Variants in SYNPR observed in about 807,000 individuals in gnomAD.
The protein encoded by SYNPR is synaptoporin.
Under a neutral mutation model 32.9 loss-of-function variants are expected in SYNPR, and 23 were observed. That is an observed-to-expected ratio of 0.70 (90% confidence interval 0.50 to 0.99). SYNPR has a LOEUF of 0.99. Among genes scored for constraint, SYNPR ranks in the 50% least tolerant of loss-of-function variants. The probability of loss-of-function intolerance (pLI) is 0.00; values close to 1 mark genes in which losing one functional copy is unlikely to be tolerated. For missense variants in SYNPR, 318 were observed against 349.3 expected (o/e 0.91, Z 0.71); for synonymous variants, 146 against 135.9 (o/e 1.07, Z -0.52).
chr3:63,363,534 C>A (rs1160689493), intron 2 of SYNPR, among the ~76,000 whole-genome samples: 6 of 152,172 alleles, frequency 3.9e-5, no homozygotes, highest in Admixed American at 2.0e-4. Context: ...CATGATCTGG[C>A]AGCTGAAACA....
rs563296890 is a variant in SYNPR, at chr3:63,595,990, GTT to G, written c.409-13132_409-13131del. 4.5e-3 allele frequency among the ~76,000 whole-genome samples: 441 copies of G among 97,702 alleles called. 7 individuals carry two copies. Among genetic ancestry groups the G allele is most frequent in the African/African-American group, 0.014 (424 of 30,864 alleles). The allele number at this position is 97,702 out of a possible 152,430, so 64.1% of individuals were successfully genotyped here. A position where few individuals can be genotyped will look rare whatever the true frequency, so the allele number is the denominator to read the frequency against. On this transcript the variant is annotated intron_variant, in intron 4 of 5. Transcript: ENST00000478300. ...TTATATATAGTTTTATATATATATAGTTTTATATATATATATAATTATACTTT... is the reference window on the plus strand; with the variant it reads ...TTATATATAGTTTTATATATATATAGTTATATATATATATAATTATACTTT...
intron 4 of SYNPR, among the ~76,000 whole-genome samples, chr3:63,576,217 G>A (rs549226232): frequency 3.9e-5 from 6 of 152,238 alleles, no homozygotes; most frequent in Admixed American, 1.3e-4. Flanking sequence ...TGTATGTGAG[G>A]TTGATATCAA....
At chr3:63,586,927 C>T (rs908381712) in intron 4 of SYNPR, among the ~76,000 whole-genome samples, 3 of 151,888 alleles carry the variant, frequency 2.0e-5, no homozygotes, top group Non-Finnish European at 2.9e-5. Context: ...TTTCCAATCA[C>T]GTATTGCAAC....
chr3:63,477,360 T>C (rs1309352819), intron 2 of SYNPR, among the ~76,000 whole-genome samples: 1 of 152,224 alleles, frequency 6.6e-6, no homozygotes. Context: ...AGACATCGTA[T>C]GTTCAATCCT....
the SYNPR span, among the ~76,000 whole-genome samples, chr3:63,200,852 G>A: frequency 1.1e-4 from 16 of 152,262 alleles, no homozygotes; most frequent in African/African-American, 3.6e-4. Context: ...TGAGATGAGA[G>A]AATACTGGGA....
At chr3:63,222,251 C>A in the SYNPR span, among the ~76,000 whole-genome samples, 1,474 of 151,570 alleles carry the variant, frequency 9.7e-3, 20 homozygotes, top group African/African-American at 0.033. Context: ...CTCAGCAAAA[C>A]CCTGATATAA....
chr3:63,293,010 AGCT>A (rs1014034011), intron 2 of SYNPR, among the ~76,000 whole-genome samples: 2 of 152,196 alleles, frequency 1.3e-5, no homozygotes, highest in Non-Finnish European at 2.9e-5. Context: ...GAATTTATGA[AGCT>A]GTTTTCTGAA....
At chr3:63,608,151 T>G (rs1265477709) in intron 4 of SYNPR, among the ~76,000 whole-genome samples, 1 of 152,146 alleles carries the variant, frequency 6.6e-6, no homozygotes, top group Non-Finnish European at 1.5e-5. Context: ...TCTTAGACAG[T>G]CTCTCCTGCC....
chr3:63,490,652 G>A (rs1448545434), intron 3 of SYNPR, among the ~76,000 whole-genome samples: 3 of 152,088 alleles, frequency 2.0e-5, no homozygotes, highest in Admixed American at 1.3e-4. Context: ...TTTTCTCAGT[G>A]ATGTTGAGTA....
At chr3:63,447,815 T>A (rs956391089) in intron 2 of SYNPR, among the ~76,000 whole-genome samples, 2 of 152,038 alleles carry the variant, frequency 1.3e-5, no homozygotes, top group Non-Finnish European at 2.9e-5. Flanking sequence ...ACTCCAAACA[T>A]GTTTTCTTAT....
rs940317777 is a variant in SYNPR, at chr3:63,437,824, C to A, written c.85-43008C>A. 1.8e-4 allele frequency among the ~76,000 whole-genome samples: 27 copies of A among 152,282 alleles called. No individual in the cohort carries two copies. The Middle Eastern group carries it at 0.01, about 58-fold the overall frequency. On this transcript the variant is annotated intron_variant, in intron 2 of 5. Transcript: ENST00000478300. ...AAATACCCTGACCTCAGTCTCCTCT[C>A]ACCCTCTAATTACCTGGCAGTATTT...
intron 2 of SYNPR, among the ~76,000 whole-genome samples, chr3:63,329,714 C>T (rs2087205200): frequency 6.6e-6 from 1 of 152,156 alleles, no homozygotes; most frequent in South Asian, 2.1e-4. Context: ...ACCCTATGAA[C>T]ACATTTGCCT....
chr3:63,313,784 C>T (rs1205973940), intron 2 of SYNPR, among the ~76,000 whole-genome samples: 2 of 7,458 alleles, frequency 2.7e-4, no homozygotes, highest in Admixed American at 1.7e-3. Flanking sequence ...TATATATATC[C>T]ATATATATAT....
intron 2 of SYNPR, among the ~76,000 whole-genome samples, chr3:63,407,287 C>T (rs755263140): frequency 1.3e-5 from 2 of 152,142 alleles, no homozygotes; most frequent in African/African-American, 2.4e-5. Context: ...GTTATTAACA[C>T]AGTGCTTAAT....
intron 3 of SYNPR, among the ~76,000 whole-genome samples, chr3:63,509,617 G>A (rs1187393914): frequency 5.9e-5 from 9 of 151,898 alleles, no homozygotes; most frequent in African/African-American, 2.2e-4. Context: ...GAACCTCAAC[G>A]TCTTTAGTTA....
At chr3:63,224,366 C>T (rs1365625545), upstream of SYNPR, among the ~76,000 whole-genome samples, 1 of 152,154 alleles carries the variant, frequency 6.6e-6, no homozygotes, top group African/African-American at 2.4e-5. Context: ...CCCCCTCATC[C>T]CTGTCCATGG....
At chr3:63,554,544 T>C (rs1199185365) in intron 3 of SYNPR, among the ~76,000 whole-genome samples, 16 of 152,140 alleles carry the variant, frequency 1.1e-4, no homozygotes, top group African/African-American at 3.9e-4. Context: ...ATTTCTGAGT[T>C]TTTTATCCTG....
chr3:63,347,262 A>T (rs1233870107), intron 2 of SYNPR, among the ~76,000 whole-genome samples: 11 of 152,160 alleles, frequency 7.2e-5, no homozygotes. Flanking sequence ...TAGTGGTGTG[A>T]TTTGGCAATA....
intron 2 of SYNPR, among the ~76,000 whole-genome samples, chr3:63,419,025 C>G (rs2088575451): frequency 6.6e-6 from 1 of 152,208 alleles, no homozygotes; most frequent in Admixed American, 6.5e-5. Context: ...TACATTCTCT[C>G]CACTTTTTCT....
Sources: gnomAD v4.1 joint callset for allele counts (sites outside exome capture counted in the v4.1 genomes callset) on GRCh38, gnomAD v4.1.1 for gene constraint, MANE v1.5 for transcripts, NCBI Gene and HGNC (gene_info 2026-07-23, HGNC 2026-07-21) for gene names.